Variants in ZNF587B observed in about 807,000 individuals in gnomAD.
ZNF587B encodes the protein zinc finger protein 587B.
In ZNF587B, 6 loss-of-function variants were observed where a neutral mutation model predicts 7.2. The observed-to-expected ratio is 0.83, with a 90% CI of 0.46 to 1.65. ZNF587B has a LOEUF of 1.65. Ranked by LOEUF, ZNF587B falls within the 40% of genes most tolerant of loss-of-function variation. The pLI is 0.01. For synonymous variants in ZNF587B, 274 were observed against 254.3 expected (o/e 1.08, Z -0.74); for missense variants, 749 against 761.0 (o/e 0.98, Z 0.19).
Position 57,843,109 on chromosome 19 carries a change from C to T in ZNF587B, c.*533C>T. 1 of 626,454 alleles carries T rather than the reference C, an allele frequency of 1.6e-6. No individual in the cohort carries two copies. 38.8% of individuals were successfully genotyped at this position (626,454 alleles called of 1,614,324 possible). ...CCCCTAGGCTCAAGTGATCTTCCCACCTTAGCCTCCATGTAGCTGGGTCCA... is the reference window on the plus strand; with the variant it reads ...CCCCTAGGCTCAAGTGATCTTCCCATCTTAGCCTCCATGTAGCTGGGTCCA... On this transcript the variant is annotated 3_prime_UTR_variant, in exon 3 of 3. Coordinates refer to ENST00000594901, the MANE Select transcript of ZNF587B (RefSeq NM_001376223.1).
Position 57,830,536 on chromosome 19 carries a change from T to G in ZNF587B, c.8T>G (p.Val3Gly). 4.5e-6 allele frequency: 7 copies of G among 1,549,758 alleles called. No individual in the cohort carries two copies. The highest frequency in any genetic ancestry group is 6.1e-6 in the Non-Finnish European group (7 of 1,147,150). The change falls in exon 1 of 3, where the codon GTG (valine) becomes GGG (glycine). Residue 3 changes from valine (V) to glycine (G), a missense_variant. Val to Gly is a moderately radical substitution (Grantham distance 109). Coordinates refer to ENST00000594901, the MANE Select transcript of ZNF587B (RefSeq NM_001376223.1). MA[V>G]VATLRLSAQG... ...TTTAAACCACGTGGTTCGATGGCGG[T>G]GGTGGCCACGCTGAGGCTCTCTGCT...
rs1361261956 is a variant in ZNF587B at position 57,830,441 on chromosome 19, A to C, written c.-88A>C. 9.0e-6 allele frequency: 13 copies of C among 1,445,270 alleles called. No homozygotes were observed. Among genetic ancestry groups the C allele is most frequent in the Non-Finnish European group, 1.2e-5 (13 of 1,060,630 alleles). The allele number at this position is 1,445,270 out of a possible 1,614,324, so 89.5% of individuals were successfully genotyped here. A position where few individuals can be genotyped will look rare whatever the true frequency, so the allele number is the denominator to read the frequency against. ...TCTGTGACGGCGCCAAGCGTGACCCACCCCTGGGCCAGGATAGGGACCGTC... is the reference window on the plus strand; with the variant it reads ...TCTGTGACGGCGCCAAGCGTGACCCCCCCCTGGGCCAGGATAGGGACCGTC... On this transcript the variant is annotated 5_prime_UTR_variant, in exon 1 of 3. Transcript: ENST00000594901.
rs867797839 is a variant in ZNF587B, at chr19:57,841,883, G to A, written c.1209G>A (p.Met403Ile). The A allele has an allele frequency of 1.9e-6, 3 of 1,613,110 alleles. 1 individual carries two copies. Among genetic ancestry groups the A allele is most frequent in the Non-Finnish European group, 2.5e-6 (3 of 1,179,788 alleles). Reference sequence around the variant, plus strand: ...GGCACCTTAGGATCCATCAGCGCATGCACACTGGAGAAAGACCTTACAAGT... The same window carrying A: ...GGCACCTTAGGATCCATCAGCGCATACACACTGGAGAAAGACCTTACAAGT... ...SKGHLRIHQR[M>I]HTGERPYKCG... is the part of the protein sequence containing the mutation. The change falls in exon 3 of 3, where the codon ATG becomes ATA. Residue 403 changes from methionine to isoleucine, a missense_variant. Physicochemically the swap from Met to Ile is conservative, Grantham distance 10. This residue lies in a region of ZNF587B where 656 missense variants were observed against 596.5 expected (regional missense o/e 1.10). Coordinates refer to ENST00000594901, the MANE Select transcript of ZNF587B (RefSeq NM_001376223.1).
rs1988960047 is a variant in ZNF587B, at chr19:57,843,609, T to TG, written c.*1033_*1034insG. ...TTGGTTGTTTTTTTTTGTTTTTTTT[T>TG]TTTTTTTTTTTGGAGACAAAGTTTC... On this transcript the variant is annotated 3_prime_UTR_variant, in exon 3 of 3. Transcript: ENST00000594901. The TG allele has an allele frequency of 1.4e-5, 13 of 915,894 alleles. No individual in the cohort carries two copies. Among genetic ancestry groups the TG allele is most frequent in the African/African-American group, 4.1e-5 (2 of 49,044 alleles). The allele number at this position is 915,894 out of a possible 1,614,324, so 56.7% of individuals were successfully genotyped here. A position where few individuals can be genotyped will look rare whatever the true frequency, so the allele number is the denominator to read the frequency against.
rs1988973573 is a variant in ZNF587B at position 57,843,799 on chromosome 19, A to G, written c.*1223A>G. 6.6e-6 allele frequency among the ~76,000 whole-genome samples: 1 copy of G among 151,582 alleles called. No individual in the cohort carries two copies. The highest frequency in any genetic ancestry group is 2.1e-4 in the South Asian group (1 of 4,804). The stretch of plus-strand genomic sequence containing the variant: ...GTACTTTTAGTAGAGATGGGGTTTC[A>G]CTATGTTGGTCAAACTGATCTTGAA... On this transcript the variant is annotated 3_prime_UTR_variant, in exon 3 of 3. Coordinates refer to ENST00000594901, the MANE Select transcript of ZNF587B (RefSeq NM_001376223.1).
chr19:57,835,399 C>T (rs1988561450), intron 1 of ZNF587B, among the ~76,000 whole-genome samples: 1 of 127,786 alleles, frequency 7.8e-6, no homozygotes, highest in South Asian at 2.6e-4. Flanking sequence ...GTTCTGTCAC[C>T]AGGCTGGAGT....
intron 1 of ZNF587B, among the ~76,000 whole-genome samples, chr19:57,837,099 C>G (rs1286487845): frequency 1.3e-5 from 2 of 151,874 alleles, no homozygotes; most frequent in African/African-American, 4.8e-5. Flanking sequence ...TCAAATAAGT[C>G]AATGGCATCC....
chr19:57,841,704 C>T lies in ZNF587B; in HGVS notation c.1030C>T (p.His344Tyr). The T allele has an allele frequency of 1.2e-6, 2 of 1,606,820 alleles. No individual in the cohort carries two copies. Among genetic ancestry groups the T allele is most frequent in the Non-Finnish European group, 1.7e-6 (2 of 1,176,868 alleles). The change falls in exon 3 of 3, where the codon CAT becomes TAT. Residue 344 changes from histidine to tyrosine, a missense_variant. His to Tyr is a moderately conservative substitution (Grantham distance 83). Around this residue, in one of 3 missense-constraint regions of ZNF587B, gnomAD observed 656 missense variants for 596.5 expected, o/e 1.10. Transcript: ENST00000594901. ...TAGTTCAAACGTGAACCTTAAGAGTCATCAGCGCATTCACACTGGAGAGAG... is the reference window on the plus strand; with the variant it reads ...TAGTTCAAACGTGAACCTTAAGAGTTATCAGCGCATTCACACTGGAGAGAG... ...SFSSNVNLKS[H>Y]QRIHTGERPY...
rs538849356 is a variant in ZNF587B, at chr19:57,840,419, T to A, written c.164-419T>A. On this transcript the variant is annotated intron_variant, in intron 2 of 2. Coordinates refer to ENST00000594901, the MANE Select transcript of ZNF587B (RefSeq NM_001376223.1). Reference sequence around the variant, plus strand: ...CACCATTTGCGTGTTCTCCAGTATTTGCATAGAGATTTGTGTTAGCAAGTA... The same window carrying A: ...CACCATTTGCGTGTTCTCCAGTATTAGCATAGAGATTTGTGTTAGCAAGTA... Among the ~76,000 whole-genome samples the A allele has an allele frequency of 1.8e-4, 28 of 152,288 alleles. 1 individual carries two copies. The East Asian group carries it at 5.2e-3, about 28-fold the overall frequency.
At position 57,843,676 on chromosome 19, in the gene ZNF587B, A is replaced by C; in HGVS notation, c.*1100A>C. ...GAGTGCAGTGGTGTGATCCTGGTTC[A>C]TTGCAACCTCTGCCTCCTGAGTTCA... On this transcript the variant is annotated 3_prime_UTR_variant, in exon 3 of 3. Transcript: ENST00000594901. 2 of 642,482 alleles carry C rather than the reference A, an allele frequency of 3.1e-6. No homozygotes were observed. Among genetic ancestry groups the C allele is most frequent in the Non-Finnish European group, 3.8e-6 (2 of 531,508 alleles). 39.8% of individuals were successfully genotyped at this position (642,482 alleles called of 1,614,324 possible).
chr19:57,840,641 C>G (rs4014638), intron 2 of ZNF587B, among the ~76,000 whole-genome samples, 197 bp from the exon 3 acceptor site: 20 of 152,172 alleles, frequency 1.3e-4, no homozygotes, highest in African/African-American at 2.9e-4. Flanking sequence ...TGTCCTTTAA[C>G]TTATGAGGCC....
In ZNF587B at chr19:57,840,945, G is replaced by T. The variant is rs1428733134; in HGVS notation, c.271G>T (p.Ala91Ser). Residue 91 changes from alanine (A) to serine (S), a missense_variant, in exon 3 of 3, where the codon GCC (alanine) becomes TCC (serine). Ala to Ser is a moderately conservative substitution (Grantham distance 99). Around this residue, in one of 3 missense-constraint regions of ZNF587B, gnomAD observed 72 missense variants for 147.8 expected, o/e 0.49. Transcript: ENST00000594901. The stretch of plus-strand genomic sequence containing the variant: ...TGTGACAGGTGTGTCTCCCAAGAAG[G>T]CCCACCCCTGTGAGATGTGTGGCCC... The part of the protein sequence containing the change: ...TPVTGVSPKK[A>S]HPCEMCGPIL... 1 of 1,585,124 alleles carries T rather than the reference G, an allele frequency of 6.3e-7. No individual in the cohort carries two copies. Among genetic ancestry groups the T allele is most frequent in the Admixed American group, 1.7e-5 (1 of 57,954 alleles).
intron 1 of ZNF587B, among the ~76,000 whole-genome samples, chr19:57,831,234 C>A (rs926365474): frequency 6.6e-6 from 1 of 151,924 alleles, no homozygotes; most frequent in East Asian, 1.9e-4. Flanking sequence ...AAGGGAGAGT[C>A]AATTCAGGTG....
In ZNF587B at chr19:57,843,587, G is replaced by GTTTTTTTTTTTTTTT. The variant is rs1324065807; in HGVS notation, c.*1013_*1014insTTTTTTTTTTTTTTT. 200 of 759,736 alleles carry GTTTTTTTTTTTTTTT rather than the reference G, an allele frequency of 2.6e-4. 19 individuals carry two copies. Among genetic ancestry groups the GTTTTTTTTTTTTTTT allele is most frequent in the East Asian group, 1.2e-3 (8 of 6,412 alleles). 47.1% of individuals were successfully genotyped at this position (759,736 alleles called of 1,614,324 possible). A position where few individuals can be genotyped will look rare whatever the true frequency, so the allele number is the denominator to read the frequency against. ...GTTTGGTTGGTTGGTTGGTTGGTTG[G>GTTTTTTTTTTTTTTT]TTGTTTTTTTTTGTTTTTTTTTTTT... On this transcript the variant is annotated 3_prime_UTR_variant, in exon 3 of 3. Coordinates refer to ENST00000594901, the MANE Select transcript of ZNF587B (RefSeq NM_001376223.1).
chr19:57,832,098 T>A (rs868588786), intron 1 of ZNF587B, among the ~76,000 whole-genome samples: 1 of 152,090 alleles, frequency 6.6e-6, no homozygotes, highest in Non-Finnish European at 1.5e-5. Flanking sequence ...TCTTTTTGTT[T>A]TTTTTTGAGA....
intron 1 of ZNF587B, among the ~76,000 whole-genome samples, 179 bp from the exon 2 acceptor site, chr19:57,838,844 A>G (rs1489593882): frequency 6.6e-6 from 1 of 152,148 alleles, no homozygotes; most frequent in Non-Finnish European, 1.5e-5. Context: ...CACTGCACAG[A>G]TACCTATTTG....
At position 57,840,308 on chromosome 19, in the gene ZNF587B, T is replaced by C. The variant is rs372893467; in HGVS notation, c.164-530T>C. On this transcript the variant is annotated intron_variant, in intron 2 of 2. Coordinates refer to ENST00000594901, the MANE Select transcript of ZNF587B (RefSeq NM_001376223.1). ...CTCCTTTTTTTAAGCTTTGACCTAC[T>C]TGTACATGAACTCGTACCCTAATAT... is the stretch of plus-strand genomic sequence containing the variant. Among the ~76,000 whole-genome samples the C allele has an allele frequency of 3.9e-5, 6 of 152,124 alleles. No homozygotes were observed. The East Asian group carries it at 9.6e-4, about 24-fold the overall frequency.
intron 1 of ZNF587B, 86 bp downstream of exon 1, chr19:57,830,650 C>G (rs978789498): frequency 1.4e-6 from 2 of 1,462,184 alleles, no homozygotes; most frequent in African/African-American, 2.8e-5. Flanking sequence ...TTTAAGGTGG[C>G]AGAGCCATAG....
rs373990347 is a variant in ZNF587B at position 57,832,131 on chromosome 19, G to C, written c.36+1567G>C. On this transcript the variant is annotated intron_variant, in intron 1 of 2. Transcript: ENST00000594901. ...AGACAGAGTCTCGCTCTATCGCCCA[G>C]ACTGGAGCGCAGTGGCACGATCTCG... is the stretch of plus-strand genomic sequence containing the variant. Among the ~76,000 whole-genome samples, 101 of 151,730 alleles carry C rather than the reference G, an allele frequency of 6.7e-4. 1 individual carries two copies. The South Asian group carries it at 0.019, about 28-fold the overall frequency.
Sources: gnomAD v4.1 joint callset for allele counts (sites outside exome capture counted in the v4.1 genomes callset) on GRCh38, gnomAD v4.1.1 for gene constraint, gnomAD v4.1.1 regional missense constraint, MANE v1.5 for transcripts, NCBI Gene and HGNC (gene_info 2026-07-23, HGNC 2026-07-21) for gene names.